KCTD2: variants seen among roughly 807,000 people sequenced by gnomAD.
KCTD2 encodes the protein BTB/POZ domain-containing protein KCTD2.
A neutral mutation model predicts 27.9 loss-of-function variants in KCTD2; 18 were observed. That is an observed-to-expected ratio of 0.64 (90% CI 0.45 to 0.96). KCTD2 has a LOEUF of 0.96. KCTD2 is among the 40% of genes least tolerant of loss of function. The pLI, the probability that KCTD2 is intolerant of heterozygous loss-of-function variation, is 0.00. For missense variants in KCTD2, 280 were observed against 348.0 expected, an observed-to-expected ratio of 0.80 and a Z score of 1.56; for synonymous variants, 175 against 148.4, an observed-to-expected ratio of 1.18 and a Z score of -1.30.
chr17:75,038,567 GC>G (rs1275507923), intron 3 of KCTD2, among the ~76,000 whole-genome samples: 2 of 152,242 alleles, frequency 1.3e-5, no homozygotes, highest in Admixed American at 1.3e-4. Flanking sequence ...ACAAGCAGGA[GC>G]ACTCCCTTGG....
At chr17:75,046,085 G>A (rs1598693103), upstream of KCTD2, among the ~76,000 whole-genome samples, 1 of 152,014 alleles carries the variant, frequency 6.6e-6, no homozygotes, top group East Asian at 1.9e-4. Context: ...AAATAACTTT[G>A]TGTGTGTGTG....
chr17:75,043,566 T>C (rs113076798), upstream of KCTD2, among the ~76,000 whole-genome samples: 2,171 of 142,960 alleles, frequency 0.015, 34 homozygotes, highest in Non-Finnish European at 0.024. Context: ...TGAGCTGAGA[T>C]AGCGCCATTG....
chr17:75,034,914 G>A (rs2040099285), intron 2 of KCTD2, among the ~76,000 whole-genome samples: 1 of 152,004 alleles, frequency 6.6e-6, no homozygotes, highest in African/African-American at 2.4e-5. Flanking sequence ...CTTAGGCCAC[G>A]CGGTCGCAAT....
Position 75,064,521 on chromosome 17 carries a change from G to A in KCTD2, c.*1474G>A. On this transcript the variant is annotated 3_prime_UTR_variant, in exon 6 of 6. Coordinates refer to ENST00000322444, the MANE Select transcript of KCTD2 (RefSeq NM_015353.3). ...TAGTTTCTGGAAATGACTGCAGACT[G>A]TGCCAAATGTCTTTTGAGCTTCTGA... The A allele has an allele frequency of 6.6e-6, 1 of 152,380 alleles. No individual in the cohort carries two copies. Among genetic ancestry groups the A allele is most frequent in the Non-Finnish European group, 1.5e-5 (1 of 68,080 alleles). The allele number at this position is 152,380 out of a possible 1,614,324, so 9.4% of individuals were successfully genotyped here.
chr17:75,062,699 A>ACAC (rs1555642380), intron 5 of KCTD2, among the ~76,000 whole-genome samples: 2 of 115,990 alleles, frequency 1.7e-5, no homozygotes, highest in African/African-American at 6.2e-5. Context: ...CCTCACCCCC[A>ACAC]ACACACACAC....
Position 75,047,559 on chromosome 17 carries a change from CCAGGAGGACCCGGAGCTGGACTCAGA to C in KCTD2, c.312_337del (p.Glu105GlyfsTer2). On this transcript the variant is annotated frameshift_variant, in exon 1 of 6. Coordinates refer to ENST00000322444, the MANE Select transcript of KCTD2 (RefSeq NM_015353.3). LOFTEE classifies it high-confidence loss of function. Reference sequence around the variant, plus strand: ...AGTCATTTCTCTGCCGCCTCTGCTGCCAGGAGGACCCGGAGCTGGACTCAGACAAGGTGTGCCCCGCCCTCGGGCGC... The same window carrying C: ...AGTCATTTCTCTGCCGCCTCTGCTGCCAAGGTGTGCCCCGCCCTCGGGCGC... 2 of 1,611,074 alleles carry C rather than the reference CCAGGAGGACCCGGAGCTGGACTCAGA, an allele frequency of 1.2e-6. No homozygotes were observed. The highest frequency in any genetic ancestry group is 2.2e-5 in the South Asian group (2 of 91,018).
At chr17:75,053,282 A>G (rs879328020) in intron 3 of KCTD2, among the ~76,000 whole-genome samples, 177 bp downstream of exon 3, 2 of 152,176 alleles carry the variant, frequency 1.3e-5, no homozygotes, top group Non-Finnish European at 2.9e-5. Flanking sequence ...AACCACAAAG[A>G]AAACAGAATA....
At chr17:75,049,617 T>C (rs2073264655) in intron 2 of KCTD2, among the ~76,000 whole-genome samples, 2 of 152,236 alleles carry the variant, frequency 1.3e-5, no homozygotes, top group South Asian at 4.1e-4. Flanking sequence ...ATCCTTTTTT[T>C]ACATTTGTTT....
In KCTD2 at chr17:75,056,493, T is replaced by C. The variant is rs369697131; in HGVS notation, c.541-3017T>C. 2.6e-5 allele frequency among the ~76,000 whole-genome samples: 4 copies of C among 152,332 alleles called. No individual in the cohort carries two copies. In the East Asian group the frequency reaches 7.7e-4, roughly 29 times the overall value. ...TCATTAGCTAATTCCTGGAGAGCAT[T>C]ATAAGATTTCTGTTTGATGACCGCA... On this transcript the variant is annotated intron_variant, in intron 3 of 5. Coordinates refer to ENST00000322444, the MANE Select transcript of KCTD2 (RefSeq NM_015353.3).
Position 75,052,403 on chromosome 17 carries a change from T to C in KCTD2, c.449-611T>C, listed in dbSNP as rs550051611. 6.6e-5 allele frequency among the ~76,000 whole-genome samples: 10 copies of C among 152,272 alleles called. No homozygotes were observed. In the East Asian group the frequency reaches 1.7e-3, roughly 26 times the overall value. The stretch of plus-strand genomic sequence containing the variant: ...GAGTTTGAGACCAGCCTGGCCAACA[T>C]GGCAAAACCCCGTCTCTGCGAAAAA... On this transcript the variant is annotated intron_variant, in intron 2 of 5. Coordinates refer to ENST00000322444, the MANE Select transcript of KCTD2 (RefSeq NM_015353.3).
upstream of KCTD2, among the ~76,000 whole-genome samples, chr17:75,045,439 C>T (rs942387060): frequency 1.3e-5 from 2 of 152,206 alleles, no homozygotes; most frequent in Non-Finnish European, 2.9e-5. Flanking sequence ...AGCCTGGGAT[C>T]GCTATGGGAG....
intron 3 of KCTD2, among the ~76,000 whole-genome samples, chr17:75,056,861 G>A (rs551218471): frequency 1.1e-3 from 171 of 151,978 alleles, no homozygotes; most frequent in African/African-American, 4.1e-3. Context: ...CCCAAGATGT[G>A]GGCCTCAACC....
At chr17:75,041,419 G>A (rs1306656506) in intron 3 of KCTD2, 1 of 139,986 alleles carries the variant, frequency 7.1e-6, no homozygotes, top group Non-Finnish European at 1.5e-5. Flanking sequence ...AGACCAGCCT[G>A]AGCAATATGA....
chr17:75,032,600 G>C (rs1427978186), upstream of KCTD2: 1 of 153,134 alleles, frequency 6.5e-6, no homozygotes, highest in Non-Finnish European at 1.5e-5. This position sits in a 1 kb window ranked among gnomAD's most constrained non-coding sequence, Gnocchi z 4.8. Context: ...TCGAGGAGGG[G>C]TGCCCAGTGG....
chr17:75,049,665 AGACAT>A (rs1416693946), intron 2 of KCTD2, among the ~76,000 whole-genome samples: 20 of 152,240 alleles, frequency 1.3e-4, no homozygotes, highest in Admixed American at 1.2e-3. Flanking sequence ...TGAAGAAGCA[AGACAT>A]CTCTGACATT....
At chr17:75,061,975 G>A in intron 4 of KCTD2, 145 bp from the exon 5 acceptor site, 5 of 825,800 alleles carry the variant, frequency 6.1e-6, no homozygotes, top group South Asian at 1.6e-5. Flanking sequence ...CTCCCCGGGG[G>A]CTTTGGTAGT....
chr17:75,040,869 G>C (rs1212562230), intron 3 of KCTD2: 1 of 147,222 alleles, frequency 6.8e-6, no homozygotes, highest in African/African-American at 2.5e-5. Flanking sequence ...CTGGGCGACA[G>C]AGCAAGACTC....
upstream of KCTD2, chr17:75,047,114 C>T (rs1031317774): frequency 2.5e-4 from 68 of 276,824 alleles, no homozygotes; most frequent in Non-Finnish European, 5.4e-5. Context: ...GCGCGGGTCC[C>T]CGGGCGCTGG....
chr17:75,044,711 A>T (rs1488157558), upstream of KCTD2, among the ~76,000 whole-genome samples: 2 of 151,674 alleles, frequency 1.3e-5, no homozygotes, highest in African/African-American at 4.9e-5. Context: ...CAGCCACTTA[A>T]AAAAAAAGTC....
Sources: gnomAD v4.1 joint callset for allele counts (sites outside exome capture counted in the v4.1 genomes callset) on GRCh38, gnomAD v4.1.1 for gene constraint, Gnocchi (gnomAD v3.1) non-coding constraint, MANE v1.5 for transcripts, NCBI Gene and HGNC (gene_info 2026-07-23, HGNC 2026-07-21) for gene names.